Variants in CNOT9 observed in about 807,000 individuals in gnomAD.
CNOT9 encodes the protein RCD1 required for cell differentiation1 homolog.
A neutral mutation model predicts 37.4 loss-of-function variants in CNOT9; 8 were observed. The ratio of observed to expected loss-of-function variants is 0.21; its 90% CI spans 0.13 to 0.39. The LOEUF (loss-of-function observed/expected upper bound fraction) is 0.39, where lower values mean the gene tolerates loss of function less well. Among genes scored for constraint, CNOT9 ranks in the 10% least tolerant of loss-of-function variants. CNOT9 has a pLI of 1.00. For synonymous variants in CNOT9, 120 were observed against 137.6 expected, an observed-to-expected ratio of 0.87 and a Z score of 0.90; for missense variants, 154 against 365.3, an observed-to-expected ratio of 0.42 and a Z score of 4.71.
chr2:218,593,779 A>C, intron 7 of CNOT9: 1 of 1,206,832 alleles, frequency 8.3e-7, no homozygotes, highest in Non-Finnish European at 1.1e-6. Context: ...TTTATTTGCC[A>C]TAATCCATAT....
At chr2:218,570,345 T>A (rs894061645) in intron 1 of CNOT9, among the ~76,000 whole-genome samples, 2 of 152,132 alleles carry the variant, frequency 1.3e-5, no homozygotes, top group Non-Finnish European at 2.9e-5. Context: ...GTACAAAAAG[T>A]GAAAAATTGA....
chr2:218,588,287 C>CTTTT (rs539751873), intron 5 of CNOT9, among the ~76,000 whole-genome samples: 1 of 141,554 alleles, frequency 7.1e-6, no homozygotes, highest in Non-Finnish European at 1.5e-5. Context: ...AATCATATAT[C>CTTTT]TTTTTTTTTT....
intron 5 of CNOT9, among the ~76,000 whole-genome samples, chr2:218,587,992 G>A (rs765796556): frequency 3.3e-5 from 5 of 151,832 alleles, no homozygotes; most frequent in Non-Finnish European, 7.4e-5. Context: ...CTATAACCGG[G>A]CTTTTTTAAA....
chr2:218,568,908 G>T lies in CNOT9; in HGVS notation c.-47G>T, dbSNP rs185530568. 3.3e-5 allele frequency: 53 copies of T among 1,593,426 alleles called. No homozygotes were observed. The East Asian group carries it at 1.2e-3, about 35-fold the overall frequency. ...TGCAGGGGTGCTGAAGGGGGGACGC[G>T]GGTCGGACGCGTCCGGCTGTGGAAG... On this transcript the variant is annotated 5_prime_UTR_variant, in exon 1 of 8. Transcript: ENST00000273064.
intron 3 of CNOT9, 131 bp downstream of exon 3, chr2:218,583,217 G>A (rs1302683375): frequency 2.6e-6 from 1 of 382,528 alleles, no homozygotes; most frequent in Non-Finnish European, 4.6e-6. Context: ...GTGTGTGTGT[G>A]TGTGTGTGTG....
intron 2 of CNOT9, among the ~76,000 whole-genome samples, chr2:218,581,835 A>G (rs893282885): frequency 2.0e-5 from 3 of 152,180 alleles, no homozygotes; most frequent in African/African-American, 7.2e-5. Context: ...TAATCCCAGC[A>G]GTTTGGCAGA....
rs545257085 is a variant in CNOT9 at position 218,585,892 on chromosome 2, T to G, written c.430+1171T>G. ...TCTGGGCTCAAGTGGTTCTCCCACCTTGGCCTCCCAAAGTGCTGGGATTAC... is the reference window on the plus strand; with the variant it reads ...TCTGGGCTCAAGTGGTTCTCCCACCGTGGCCTCCCAAAGTGCTGGGATTAC... On this transcript the variant is annotated intron_variant, in intron 4 of 7. Transcript: ENST00000273064. Among the ~76,000 whole-genome samples the G allele has an allele frequency of 2.5e-3, 377 of 152,284 alleles. 2 individuals are homozygous for G. The highest frequency in any genetic ancestry group is 8.5e-3 in the African/African-American group (354 of 41,568).
intron 5 of CNOT9, chr2:218,589,273 T>A (rs1362295244): frequency 1.3e-5 from 2 of 152,216 alleles, no homozygotes; most frequent in Non-Finnish European, 2.9e-5. Context: ...CACACTAATC[T>A]TCTCTGTGTT....
At chr2:218,574,625 C>T (rs928230030) in intron 1 of CNOT9, among the ~76,000 whole-genome samples, 1 of 152,188 alleles carries the variant, frequency 6.6e-6, no homozygotes, top group Non-Finnish European at 1.5e-5. Flanking sequence ...GCACATTAAA[C>T]CTCTATTAAC....
At chr2:218,571,408 C>A (rs1426180697) in intron 1 of CNOT9, among the ~76,000 whole-genome samples, 3 of 152,036 alleles carry the variant, frequency 2.0e-5, no homozygotes, top group Non-Finnish European at 2.9e-5. Context: ...GCTTGAGCAA[C>A]ATAGCAAGAC....
At chr2:218,581,324 ATG>A (rs1244436090) in intron 2 of CNOT9, among the ~76,000 whole-genome samples, 1 of 150,068 alleles carries the variant, frequency 6.7e-6, no homozygotes, top group African/African-American at 2.5e-5. Flanking sequence ...CTGCATCACC[ATG>A]CCTGGCTTTT....
chr2:218,569,618 C>G (rs1480438607), intron 1 of CNOT9, among the ~76,000 whole-genome samples: 1 of 152,212 alleles, frequency 6.6e-6, no homozygotes, highest in East Asian at 1.9e-4. Flanking sequence ...CTGCACGGCC[C>G]TGTATGATGT....
chr2:218,593,316 T>C (rs896585029), intron 7 of CNOT9, among the ~76,000 whole-genome samples: 1 of 152,220 alleles, frequency 6.6e-6, no homozygotes, highest in Non-Finnish European at 1.5e-5. Context: ...TTGATTTGAT[T>C]TAATGTGAAC....
In CNOT9 at chr2:218,585,574, C is replaced by CAA. The variant is rs35720728; in HGVS notation, c.430+864_430+865dup. ...CCAGCCTGGGCGGCAGAGGGAGACTCAAAAAAAAAAAATTAAATTTCCATG... is the reference window on the plus strand; with the variant it reads ...CCAGCCTGGGCGGCAGAGGGAGACTCAAAAAAAAAAAAAATTAAATTTCCATG... On this transcript the variant is annotated intron_variant, in intron 4 of 7. Transcript: ENST00000273064. Among the ~76,000 whole-genome samples the CAA allele has an allele frequency of 1.0e-3, 143 of 141,108 alleles. 1 individual carries two copies. Among genetic ancestry groups the CAA allele is most frequent in the East Asian group, 4.2e-3 (21 of 4,976 alleles). The allele number at this position is 141,108 out of a possible 152,430, so 92.6% of individuals were successfully genotyped here.
chr2:218,575,809 G>A lies in CNOT9; in HGVS notation c.25-4752G>A, dbSNP rs1435823268. Among the ~76,000 whole-genome samples the A allele has an allele frequency of 5.3e-5, 8 of 152,114 alleles. No homozygotes were observed. In the East Asian group the frequency reaches 1.3e-3, roughly 26 times the overall value. ...GCTTCAAATAAGGTAATTTCCAGTA[G>A]AGAAGTCATAGATTAATTTGCTTGC... On this transcript the variant is annotated intron_variant, in intron 1 of 7. Transcript: ENST00000273064.
intron 5 of CNOT9, 76 bp downstream of exon 5, chr2:218,587,771 C>T (rs1239416662): frequency 8.0e-6 from 5 of 622,560 alleles, no homozygotes; most frequent in Non-Finnish European, 1.3e-5. Context: ...ATCATTTTCT[C>T]TCTTCAAGCT....
intron 4 of CNOT9, among the ~76,000 whole-genome samples, chr2:218,586,582 G>A (rs973765660): frequency 7.3e-5 from 11 of 151,018 alleles, no homozygotes; most frequent in African/African-American, 2.7e-4. Context: ...TCCGCCTCCT[G>A]GGTTCTAGCA....
intron 5 of CNOT9, 83 bp downstream of exon 5, chr2:218,587,778 A>G (rs1694640309): frequency 5.1e-6 from 3 of 592,360 alleles, no homozygotes; most frequent in Non-Finnish European, 8.0e-6. Context: ...TCTCTCTTCA[A>G]GCTTTTGAAA....
rs376111866 is a variant in CNOT9 at position 218,594,159 on chromosome 2, C to G, written c.783C>G (p.Thr261=). Residue 261 remains threonine (T), a synonymous_variant, in exon 8 of 8, where the codon ACC becomes ACG. Transcript: ENST00000273064. ...TCCCTGACCAGCTGAAAGACACAAC[C>G]TTCGCCCAGGTGCTAAAAGATGACA... ...QCLPDQLKDT[T]FAQVLKDDTT... 1.1e-5 allele frequency: 17 copies of G among 1,614,122 alleles called. No homozygotes were observed. The highest frequency in any genetic ancestry group is 1.3e-5 in the African/African-American group (1 of 74,942).
Sources: allele counts gnomAD v4.1 joint callset (sites outside exome capture counted in the v4.1 genomes callset), GRCh38; gene constraint gnomAD v4.1.1; transcripts MANE v1.5; gene names NCBI Gene and HGNC (gene_info 2026-07-23, HGNC 2026-07-21).